CCDC82: variants seen among roughly 807,000 people sequenced by gnomAD.
CCDC82 encodes the protein coiled-coil domain containing 82.
CCDC82 carries 47 observed loss-of-function variants against 60.6 expected under a neutral mutation model. The ratio of observed to expected loss-of-function variants is 0.77; its 90% CI spans 0.61 to 0.99. The LOEUF (loss-of-function observed/expected upper bound fraction) is 0.99, where lower values mean the gene tolerates loss of function less well. Ranked by LOEUF, CCDC82 falls within the 50% of genes least tolerant of loss-of-function variation. The pLI, the probability that CCDC82 is intolerant of heterozygous loss-of-function variation, is 0.00. For missense variants in CCDC82, 588 were observed against 633.0 expected (o/e 0.93, Z 0.76); for synonymous variants, 212 against 207.4 (o/e 1.02, Z -0.19).
intron 5 of CCDC82, 172 bp downstream of exon 5, chr11:96,383,097 G>T (rs887632358): frequency 1.8e-6 from 1 of 570,772 alleles, no homozygotes; most frequent in Admixed American, 3.4e-5. Flanking sequence ...TTTGAAAAAT[G>T]TAAATGGTTC....
chr11:96,376,707 C>A (rs185092737), intron 5 of CCDC82, among the ~76,000 whole-genome samples: 3 of 152,214 alleles, frequency 2.0e-5, no homozygotes, highest in Non-Finnish European at 2.9e-5. Flanking sequence ...GGATTACAGG[C>A]GTGAGCCACC....
At chr11:96,372,461 C>T (rs10734175) in intron 6 of CCDC82, among the ~76,000 whole-genome samples, 106,232 of 150,890 alleles carry the variant, frequency 0.7, 37,641 homozygotes, top group African/African-American at 0.79. Context: ...GTCACTGTCA[C>T]ATCCCCAGCC....
At position 96,384,533 on chromosome 11, in the gene CCDC82, C is replaced by A. The variant is rs774861008; in HGVS notation, c.215G>T (p.Gly72Val). Residue 72 changes from glycine to valine, a missense_variant, in exon 4 of 10, where the codon GGA becomes GTA. By Grantham distance (109) the Gly-to-Val change is moderately radical. Transcript: ENST00000646818. ...TCCTGGTGTTTTATTACAATCAGGT[C>A]CCTTGTTACTATCAAGCTCTTCATC... ...ENDEELDSNK[G>V]PDCNKTPGSE... 2 of 1,613,616 alleles carry A rather than the reference C, an allele frequency of 1.2e-6. No homozygotes were observed. The highest frequency in any genetic ancestry group is 1.7e-6 in the Non-Finnish European group (2 of 1,179,716).
intron 5 of CCDC82, among the ~76,000 whole-genome samples, 166 bp from the exon 6 acceptor site, chr11:96,373,633 A>G (rs1266140654): frequency 1.3e-5 from 2 of 152,202 alleles, no homozygotes; most frequent in African/African-American, 4.8e-5. Flanking sequence ...TCACGGAGCA[A>G]ATCTCCATTT....
At chr11:96,383,567 AT>A (rs980683534) in intron 4 of CCDC82, 94 bp from the exon 5 acceptor site, 21 of 786,584 alleles carry the variant, frequency 2.7e-5, no homozygotes, top group South Asian at 2.4e-4. Context: ...CAGCAAAAAA[AT>A]GATCCATAGT....
intron 6 of CCDC82, among the ~76,000 whole-genome samples, chr11:96,372,758 A>G (rs1275680585): frequency 6.8e-6 from 1 of 146,722 alleles, no homozygotes; most frequent in African/African-American, 2.5e-5. Flanking sequence ...ATATTTATAT[A>G]TATATTTATA....
rs1565324249 is a variant in CCDC82 at position 96,384,352 on chromosome 11, T to C, written c.396A>G (p.Gln132=). The part of the protein sequence containing the change: ...DLQDQEKHLS[Q]EDNDLNKQTG... Reference sequence around the variant, plus strand: ...TTTGTTTGTTGAGATCATTATCCTCTTGACTTAAATGTTTTTCCTGATCTT... The same window carrying C: ...TTTGTTTGTTGAGATCATTATCCTCCTGACTTAAATGTTTTTCCTGATCTT... Residue 132 remains glutamine, a synonymous_variant, in exon 4 of 10, where the codon CAA becomes CAG. Transcript: ENST00000646818. The C allele has an allele frequency of 6.2e-7, 1 of 1,613,890 alleles. No individual in the cohort carries two copies. The highest frequency in any genetic ancestry group is 1.1e-5 in the South Asian group (1 of 91,066).
chr11:96,362,566 T>A (rs1864719802), intron 8 of CCDC82, among the ~76,000 whole-genome samples: 1 of 152,204 alleles, frequency 6.6e-6, no homozygotes, highest in Non-Finnish European at 1.5e-5. Flanking sequence ...CAAGATTGTT[T>A]TTAGTTCTCC....
intron 7 of CCDC82, 39 bp downstream of exon 7, chr11:96,370,974 C>T (rs769165002): frequency 2.7e-6 from 4 of 1,457,858 alleles, no homozygotes; most frequent in Non-Finnish European, 9.1e-7. Context: ...GTTTGCTGCC[C>T]CCAACCCCCA....
rs867743921 is a variant in CCDC82, at chr11:96,384,089, G to A, written c.659C>T (p.Ser220Leu). ...AGGAGTCTTTTGCTCCATTTCCACT[G>A]AAGAACCTTCATCTTCAACCACTCT... Reference protein sequence around the residue: ...PRRVVEDEGSSVEMEQKTPEK... With the variant: ...PRRVVEDEGSLVEMEQKTPEK... Residue 220 changes from serine (S) to leucine (L), a missense_variant, in exon 4 of 10, where the codon TCA (serine) becomes TTA (leucine). Coordinates refer to ENST00000646818, the MANE Select transcript of CCDC82 (RefSeq NM_024725.4). 9 of 1,613,650 alleles carry A rather than the reference G, an allele frequency of 5.6e-6. No homozygotes were observed. The highest frequency in any genetic ancestry group is 3.3e-4 in the Middle Eastern group (2 of 6,060).
At chr11:96,385,563 A>T (rs999776369) in intron 3 of CCDC82, 1 of 152,212 alleles carries the variant, frequency 6.6e-6, no homozygotes, top group Admixed American at 6.5e-5. Flanking sequence ...TAGCCTCTTT[A>T]TACCTTAGTA....
chr11:96,355,574 AT>A (rs764981529), intron 9 of CCDC82: 23 of 152,222 alleles, frequency 1.5e-4, no homozygotes, highest in Admixed American at 7.9e-4. Context: ...GCTAAGAGAA[AT>A]AAAATAGCTT....
At chr11:96,364,889 C>T in intron 8 of CCDC82, 91 bp downstream of exon 8, 1 of 1,232,770 alleles carries the variant, frequency 8.1e-7, no homozygotes. Flanking sequence ...AATGTTTCCA[C>T]TTGGGTCAAA....
chr11:96,375,869 C>A (rs1383974226), intron 5 of CCDC82, among the ~76,000 whole-genome samples: 1 of 152,168 alleles, frequency 6.6e-6, no homozygotes, highest in African/African-American at 2.4e-5. Flanking sequence ...GACAAAATAA[C>A]TTATCCAAGG....
At chr11:96,372,026 G>A (rs566074374) in intron 6 of CCDC82, among the ~76,000 whole-genome samples, 38 of 152,108 alleles carry the variant, frequency 2.5e-4, no homozygotes, top group African/African-American at 9.2e-4. Context: ...CCTTACCATA[G>A]CTTACAAAGC....
rs769946048 is a variant in CCDC82, at chr11:96,383,466, T to A, written c.794A>T (p.Glu265Val). ...RSSGRDFEDS[E>V]KESCPSSDEV... ...ATCACTGCTTGGGCAAGATTCCTTT[T>A]CAGAGTCCTAATTAAATTAAAATAA... Residue 265 changes from glutamate to valine, a missense_variant, in exon 5 of 10, where the codon GAA becomes GTA. Physicochemically the swap from Glu to Val is moderately radical, Grantham distance 121 (BLOSUM62 -2). Coordinates refer to ENST00000646818, the MANE Select transcript of CCDC82 (RefSeq NM_024725.4). The A allele has an allele frequency of 6.3e-7, 1 of 1,595,370 alleles. No homozygotes were observed.
chr11:96,357,448 C>T, intron 9 of CCDC82: 1 of 984,840 alleles, frequency 1.0e-6, no homozygotes, highest in South Asian at 4.7e-5. Context: ...AGCCTAAGCT[C>T]CTTTCTTTTC....
Position 96,384,679 on chromosome 11 carries a change from T to A in CCDC82, c.69A>T (p.Arg23=). The A allele has an allele frequency of 6.2e-7, 1 of 1,613,252 alleles. No homozygotes were observed. The highest frequency in any genetic ancestry group is 8.5e-7 in the Non-Finnish European group (1 of 1,179,582). Residue 23 remains arginine, a synonymous_variant, in exon 4 of 10, where the codon CGA becomes CGT. Transcript: ENST00000646818. The stretch of plus-strand genomic sequence containing the variant: ...TTCTTTTAGTTCGCCTCCAATCAAC[T>A]CGAGATTTCTGCTCAGGCACGTGAC... ...SKSHVPEQKS[R]VDWRRTKRSS...
intron 7 of CCDC82, among the ~76,000 whole-genome samples, chr11:96,366,424 C>T (rs1229059287): frequency 6.6e-6 from 1 of 152,206 alleles, no homozygotes; most frequent in Non-Finnish European, 1.5e-5. Flanking sequence ...ATCAGATTAT[C>T]CAAATTCAGT....
Sources: gnomAD v4.1 joint callset for allele counts (sites outside exome capture counted in the v4.1 genomes callset) on GRCh38, gnomAD v4.1.1 for gene constraint, MANE v1.5 for transcripts, NCBI Gene and HGNC (gene_info 2026-07-23, HGNC 2026-07-21) for gene names.